Variants in WDR33 observed in about 807,000 individuals in gnomAD.
WDR33 encodes the protein pre-mRNA 3' end processing protein WDR33.
Under a neutral mutation model 164.9 loss-of-function variants are expected in WDR33, and 47 were observed. The ratio of observed to expected loss-of-function variants is 0.29; its 90% confidence interval spans 0.23 to 0.36. The LOEUF (loss-of-function observed/expected upper bound fraction) is 0.36, where lower values mean the gene tolerates loss of function less well. Ranked by LOEUF, WDR33 falls within the 10% of genes least tolerant of loss-of-function variation. The pLI is 1.00. For missense variants in WDR33, 1,137 were observed against 1,754.1 expected (o/e 0.65, Z 6.28); for synonymous variants, 505 against 589.0 (o/e 0.86, Z 2.06).
chr2:127,708,843 A>C lies in WDR33; in HGVS notation c.3615T>G (p.Pro1205=). The change falls in exon 21 of 22, where the codon CCT becomes CCG. Residue 1205 remains proline, a synonymous_variant. Coordinates refer to ENST00000322313, the MANE Select transcript of WDR33 (RefSeq NM_018383.5). The surrounding 1 kb of genome is among the most constrained non-coding windows in gnomAD (Gnocchi z 6.7). ...TGCTGGCTGGGGAATGACCGTCGTG[A>C]GGGGGATGATCAGGGCGGGGAGTAT... is the stretch of plus-strand genomic sequence containing the variant. ...FRDTPRPDHP[P]HDGHSPASRE... is the part of the protein sequence containing the mutation. The C allele has an allele frequency of 1.9e-6, 3 of 1,610,634 alleles. No individual in the cohort carries two copies. The highest frequency in any genetic ancestry group is 2.5e-6 in the Non-Finnish European group (3 of 1,177,842).
chr2:127,727,603 G>A (rs1227016375), intron 7 of WDR33, among the ~76,000 whole-genome samples: 3 of 151,950 alleles, frequency 2.0e-5, no homozygotes, highest in Admixed American at 6.6e-5. Context: ...AGTAACCACC[G>A]TGCTAGAGCA....
At position 127,746,259 on chromosome 2, in the gene WDR33, A is replaced by G. The variant is rs558709518; in HGVS notation, c.724+16803T>C. Among the ~76,000 whole-genome samples, 4 of 152,140 alleles carry G rather than the reference A, an allele frequency of 2.6e-5. No homozygotes were observed. The South Asian group carries it at 8.3e-4, about 32-fold the overall frequency. The stretch of plus-strand genomic sequence containing the variant: ...TGTGGCTTACAACTTTATCAATCAC[A>G]CTTCTAAACCTAAAAATCACTACTG... On this transcript the variant is annotated intron_variant, in intron 7 of 21. Transcript: ENST00000322313.
Position 127,725,098 on chromosome 2 carries a change from C to G in WDR33, c.969G>C (p.Glu323Asp), listed in dbSNP as rs780734465. Residue 323 changes from glutamate to aspartate, a missense_variant, in exon 9 of 22, where the codon GAG becomes GAC. Physicochemically the swap from Glu to Asp is conservative, Grantham distance 45. Transcript: ENST00000322313. ...KLFDIRNLKE[E>D]LQVFRGHKKE... ...TCTTATGACCTCGGAAGACTTGAAG[C>G]TCTTCTTTTAGGTTTCTGATATCAA... is the stretch of plus-strand genomic sequence containing the variant. 5 of 1,613,524 alleles carry G rather than the reference C, an allele frequency of 3.1e-6. No individual in the cohort carries two copies. The South Asian group carries it at 5.5e-5, about 18-fold the overall frequency.
Position 127,706,383 on chromosome 2 carries a change from A to C in WDR33, c.3951T>G (p.Ser1317Arg), listed in dbSNP as rs1573871889. The change falls in exon 22 of 22, where the codon AGT (serine) becomes AGG (arginine). Residue 1317 changes from serine to arginine, a missense_variant. Transcript: ENST00000322313. This position sits in a 1 kb window ranked among gnomAD's most constrained non-coding sequence, Gnocchi z 5.1. ...GCCTCGGCGGGCCAGAGTTCATGTTACTCCCTCTACCCCAGTTACTGCCAC... is the reference window on the plus strand; with the variant it reads ...GCCTCGGCGGGCCAGAGTTCATGTTCCTCCCTCTACCCCAGTTACTGCCAC... ...GRSGSNWGRG[S>R]NMNSGPPRRG... The C allele has an allele frequency of 6.2e-7, 1 of 1,610,192 alleles. No homozygotes were observed. The highest frequency in any genetic ancestry group is 8.5e-7 in the Non-Finnish European group (1 of 1,178,424).
At position 127,701,915 on chromosome 2, in the gene WDR33, C is replaced by T. The variant is rs1157827155; in HGVS notation, c.*4408G>A. On this transcript the variant is annotated 3_prime_UTR_variant, in exon 22 of 22. Coordinates refer to ENST00000322313, the MANE Select transcript of WDR33 (RefSeq NM_018383.5). Reference sequence around the variant, plus strand: ...CGGGAAGCGCGCTGCTGCGGGGCGGCGCGGCGTGCGGACGCCTGCTGCGCT... The same window carrying T: ...CGGGAAGCGCGCTGCTGCGGGGCGGTGCGGCGTGCGGACGCCTGCTGCGCT... 1.4e-6 allele frequency: 2 copies of T among 1,446,422 alleles called. No homozygotes were observed. Among genetic ancestry groups the T allele is most frequent in the South Asian group, 1.3e-5 (1 of 75,402 alleles). 89.6% of individuals were successfully genotyped at this position (1,446,422 alleles called of 1,614,324 possible).
chr2:127,744,353 C>T (rs1317431587), intron 7 of WDR33, among the ~76,000 whole-genome samples: 1 of 152,174 alleles, frequency 6.6e-6, no homozygotes, highest in African/African-American at 2.4e-5. Context: ...TCCCAAAGGC[C>T]TATCAGTGAG....
rs1573917811 is a variant in WDR33 at position 127,753,311 on chromosome 2, C to G, written c.724+9751G>C. On this transcript the variant is annotated intron_variant, in intron 7 of 21. Transcript: ENST00000322313. ...TAAAAACACTAAAAAATCATGACAGCTTTGTTTAAACAAGTAGTCATATTT... is the reference window on the plus strand; with the variant it reads ...TAAAAACACTAAAAAATCATGACAGGTTTGTTTAAACAAGTAGTCATATTT... Among the ~76,000 whole-genome samples the G allele has an allele frequency of 3.9e-5, 6 of 152,324 alleles. No individual in the cohort carries two copies. The South Asian group carries it at 1.2e-3, about 32-fold the overall frequency.
At position 127,738,070 on chromosome 2, in the gene WDR33, G is replaced by C; in HGVS notation, c.725-11293C>G. On this transcript the variant is annotated intron_variant, in intron 7 of 21. Transcript: ENST00000322313. This position sits in a 1 kb window ranked among gnomAD's most constrained non-coding sequence, Gnocchi z 4.4. ...AAACATGTATCTATCAAAACAAGAA[G>C]GGTGCATGAACTCTTAAATACTGTG... 3 of 1,612,144 alleles carry C rather than the reference G, an allele frequency of 1.9e-6. No homozygotes were observed. The highest frequency in any genetic ancestry group is 2.5e-6 in the Non-Finnish European group (3 of 1,179,178).
chr2:127,725,696 T>C (rs1241059573), intron 8 of WDR33, among the ~76,000 whole-genome samples: 1 of 151,390 alleles, frequency 6.6e-6, no homozygotes, highest in Non-Finnish European at 1.5e-5. Context: ...ATTGCACCAA[T>C]GCACTCTAGT....
At position 127,703,950 on chromosome 2, in the gene WDR33, G is replaced by T. The variant is rs7584783; in HGVS notation, c.*2373C>A. ...CTGGGCAACACAGTTAAACCCCATC[G>T]CCACAGAAAATCTTCAAAAAATTTG... On this transcript the variant is annotated 3_prime_UTR_variant, in exon 22 of 22. Coordinates refer to ENST00000322313, the MANE Select transcript of WDR33 (RefSeq NM_018383.5). 0.31 allele frequency: 50,906 copies of T among 166,090 alleles called. 8,293 individuals are homozygous for T. Among genetic ancestry groups the T allele is most frequent in the South Asian group, 0.48 (2,336 of 4,818 alleles). The allele number at this position is 166,090 out of a possible 1,614,324, so 10.3% of individuals were successfully genotyped here. A position where few individuals can be genotyped will look rare whatever the true frequency, so the allele number is the denominator to read the frequency against.
chr2:127,725,916 T>C (rs775275128), intron 8 of WDR33, among the ~76,000 whole-genome samples: 11 of 152,030 alleles, frequency 7.2e-5, no homozygotes, highest in Non-Finnish European at 1.0e-4. Flanking sequence ...AGACAAAGCA[T>C]AAAAATGGAC....
At chr2:127,792,064 G>A (rs1688859637) in intron 1 of WDR33, among the ~76,000 whole-genome samples, 1 of 151,592 alleles carries the variant, frequency 6.6e-6, no homozygotes, top group Non-Finnish European at 1.5e-5. Context: ...TCAGCCTCCT[G>A]AGTAGCTGGG....
intron 1 of WDR33, among the ~76,000 whole-genome samples, chr2:127,791,470 G>A (rs1370212010): frequency 6.6e-6 from 1 of 152,068 alleles, no homozygotes; most frequent in Admixed American, 6.6e-5. Flanking sequence ...AGCATAACCA[G>A]GTCCAAGTGA....
chr2:127,736,815 C>T (rs1686859280), intron 7 of WDR33: 1 of 985,320 alleles, frequency 1.0e-6, no homozygotes, highest in Non-Finnish European at 1.2e-6. Context: ...CTGAAACTTA[C>T]ATATCAGGCT....
chr2:127,722,874 G>C lies in WDR33; in HGVS notation c.1378+84C>G. ...AACATTTCTCAACATAAATCATTTT[G>C]GTATTTCAATATATTTATCAGGAAC... On this transcript the variant is annotated intron_variant, in intron 13 of 21. Coordinates refer to ENST00000322313, the MANE Select transcript of WDR33 (RefSeq NM_018383.5). The surrounding 1 kb of genome is among the most constrained non-coding windows in gnomAD (Gnocchi z 5.1). 1 of 1,411,646 alleles carries C rather than the reference G, an allele frequency of 7.1e-7. No individual in the cohort carries two copies. Among genetic ancestry groups the C allele is most frequent in the Non-Finnish European group, 9.6e-7 (1 of 1,044,012 alleles). 87.4% of individuals were successfully genotyped at this position (1,411,646 alleles called of 1,614,324 possible). A position where few individuals can be genotyped will look rare whatever the true frequency, so the allele number is the denominator to read the frequency against.
chr2:127,806,399 G>A (rs1689443026), intron 1 of WDR33, among the ~76,000 whole-genome samples: 1 of 151,822 alleles, frequency 6.6e-6, no homozygotes, highest in Admixed American at 6.6e-5. Context: ...GTAGAGACGA[G>A]GTTACACAAT....
chr2:127,711,402 G>A (rs1262797528), intron 18 of WDR33, among the ~76,000 whole-genome samples: 4 of 143,300 alleles, frequency 2.8e-5, no homozygotes, highest in Non-Finnish European at 4.5e-5. Context: ...TCCAGCCTGA[G>A]CGACAAAGCA....
Position 127,720,632 on chromosome 2 carries a change from G to A in WDR33, c.1672-279C>T, listed in dbSNP as rs751830919. Among the ~76,000 whole-genome samples the A allele has an allele frequency of 1.3e-5, 2 of 150,438 alleles. No homozygotes were observed. Among genetic ancestry groups the A allele is most frequent in the Non-Finnish European group, 3.0e-5 (2 of 67,606 alleles). ...CAAGCTGGAATGCAGTGGTACGATC[G>A]TGGTTCACTACAGCCTCACCCTCCT... On this transcript the variant is annotated intron_variant, in intron 15 of 21. Coordinates refer to ENST00000322313, the MANE Select transcript of WDR33 (RefSeq NM_018383.5). This position sits in a 1 kb window ranked among gnomAD's most constrained non-coding sequence, Gnocchi z 5.9.
Position 127,720,191 on chromosome 2 carries a change from T to C in WDR33, c.1834A>G (p.Met612Val), listed in dbSNP as rs199999334. 24 of 1,612,728 alleles carry C rather than the reference T, an allele frequency of 1.5e-5. No individual in the cohort carries two copies. In the South Asian group the frequency reaches 1.5e-4, roughly 10 times the overall value. The change falls in exon 16 of 22, where the codon ATG becomes GTG. Residue 612 changes from methionine (M) to valine (V), a missense_variant. Physicochemically the swap from Met to Val is conservative, Grantham distance 21 (BLOSUM62 1). Transcript: ENST00000322313. The surrounding 1 kb of genome is among the most constrained non-coding windows in gnomAD (Gnocchi z 5.9). ...QQPHPSQQMPMNMAQMGPPGP... is the reference protein window; with the variant it reads ...QQPHPSQQMPVNMAQMGPPGP... ...GGAGGCCCCATTTGAGCCATGTTCA[T>C]TGGCATCTGCTGAGATGGATGGGGC...
Sources: allele counts gnomAD v4.1 joint callset (sites outside exome capture counted in the v4.1 genomes callset), GRCh38; gene constraint gnomAD v4.1.1; non-coding constraint Gnocchi (gnomAD v3.1); transcripts MANE v1.5; gene names NCBI Gene and HGNC (gene_info 2026-07-23, HGNC 2026-07-21).